Variants in RANBP17 observed in about 807,000 individuals in gnomAD.
RANBP17 encodes the protein RAN binding protein 17, also known as ran-binding protein 17.
Under a neutral mutation model 141.2 loss-of-function variants are expected in RANBP17, and 158 were observed. The observed-to-expected ratio is 1.12, with a 90% CI of 0.98 to 1.28. The LOEUF (loss-of-function observed/expected upper bound fraction) is 1.28, where lower values mean the gene tolerates loss of function less well. RANBP17 is among the 50% of genes most tolerant of loss of function. RANBP17 has a pLI of 0.00. For synonymous variants in RANBP17, 430 were observed against 450.0 expected, an observed-to-expected ratio of 0.96 and a Z score of 0.56; for missense variants, 1,438 against 1,290.7, an observed-to-expected ratio of 1.11 and a Z score of -1.75.
At chr5:171,011,879 A>G (rs1375608535) in intron 14 of RANBP17, among the ~76,000 whole-genome samples, 1 of 151,944 alleles carries the variant, frequency 6.6e-6, no homozygotes, top group Non-Finnish European at 1.5e-5. Context: ...ATTGGATTTA[A>G]TGTCTCTTTA....
intron 5 of RANBP17, among the ~76,000 whole-genome samples, chr5:170,908,517 G>C (rs931048448): frequency 7.9e-5 from 12 of 150,958 alleles, no homozygotes; most frequent in Non-Finnish European, 1.8e-4. Flanking sequence ...TACTAGATAG[G>C]GGAGAGATAG....
chr5:171,190,476 T>C (rs1761552535), intron 18 of RANBP17, among the ~76,000 whole-genome samples: 1 of 152,180 alleles, frequency 6.6e-6, no homozygotes, highest in South Asian at 2.1e-4. Context: ...TTGGCAGGTT[T>C]TTTTGGTGTT....
chr5:171,081,066 G>C (rs1229131060), intron 14 of RANBP17, among the ~76,000 whole-genome samples: 1 of 152,130 alleles, frequency 6.6e-6, no homozygotes, highest in Non-Finnish European at 1.5e-5. Flanking sequence ...GAGCCCAGAG[G>C]CTCTAAGTTC....
intron 22 of RANBP17, among the ~76,000 whole-genome samples, chr5:171,224,622 G>A (rs1039949444): frequency 5.3e-5 from 8 of 152,168 alleles, no homozygotes; most frequent in South Asian, 2.1e-4. Flanking sequence ...GGATTATGTC[G>A]GAGGAGGAGG....
intron 14 of RANBP17, among the ~76,000 whole-genome samples, chr5:171,054,327 A>G (rs1783198997): frequency 6.6e-6 from 1 of 152,094 alleles, no homozygotes. Context: ...TTACACTTAT[A>G]GTTATTTCTT....
At chr5:171,054,550 C>T (rs746909490) in intron 14 of RANBP17, among the ~76,000 whole-genome samples, 3 of 152,120 alleles carry the variant, frequency 2.0e-5, no homozygotes, top group Non-Finnish European at 2.9e-5. Flanking sequence ...TGAGGATAAG[C>T]AGGGGTCACT....
At position 171,006,743 on chromosome 5, in the gene RANBP17, T is replaced by TAAA. The variant is rs59337087; in HGVS notation, c.1710+38379_1710+38381dup. On this transcript the variant is annotated intron_variant, in intron 14 of 27. Transcript: ENST00000523189. Reference sequence around the variant, plus strand: ...ACATGTACTCTAAAACTTAAAGTATTAAAAAAAAAAAAAAAGAATAGGTCG... The same window carrying TAAA: ...ACATGTACTCTAAAACTTAAAGTATTAAAAAAAAAAAAAAAAAAGAATAGGTCG... 2.2e-4 allele frequency among the ~76,000 whole-genome samples: 31 copies of TAAA among 142,966 alleles called. 1 individual carries two copies. The highest frequency in any genetic ancestry group is 7.2e-3 in the Middle Eastern group (2 of 276). 93.8% of individuals were successfully genotyped at this position (142,966 alleles called of 152,430 possible). A position where few individuals can be genotyped will look rare whatever the true frequency, so the allele number is the denominator to read the frequency against.
chr5:171,178,721 C>G (rs1273246089), intron 16 of RANBP17, among the ~76,000 whole-genome samples: 1 of 152,076 alleles, frequency 6.6e-6, no homozygotes, highest in Non-Finnish European at 1.5e-5. Flanking sequence ...TTCTAACTGG[C>G]ATGAGATGGT....
chr5:171,248,744 G>A (rs1033660727), intron 24 of RANBP17, among the ~76,000 whole-genome samples: 2 of 152,104 alleles, frequency 1.3e-5, no homozygotes, highest in Admixed American at 6.6e-5. Flanking sequence ...CACAGCCCTT[G>A]TATCTCCACA....
At chr5:171,243,398 A>T (rs1442298960) in intron 24 of RANBP17, among the ~76,000 whole-genome samples, 2 of 152,182 alleles carry the variant, frequency 1.3e-5, no homozygotes, top group Non-Finnish European at 2.9e-5. Flanking sequence ...CATTGTATGT[A>T]TTATTAGTTT....
chr5:170,968,423 A>G (rs899061539), intron 14 of RANBP17, 46 bp downstream of exon 14: 12 of 1,521,734 alleles, frequency 7.9e-6, no homozygotes, highest in Non-Finnish European at 1.1e-5. Context: ...GGGGATGAAG[A>G]AAGATGTACA....
chr5:170,952,924 C>G (rs1227582538), intron 12 of RANBP17, among the ~76,000 whole-genome samples: 1 of 151,940 alleles, frequency 6.6e-6, no homozygotes, highest in Non-Finnish European at 1.5e-5. Context: ...TTCAGCTGCC[C>G]CCAAAGTAAG....
In RANBP17 at chr5:171,135,202, C is replaced by G. The variant is rs543504830; in HGVS notation, c.1711-34928C>G. Reference sequence around the variant, plus strand: ...GGCTGAGGTAGGAGAATCAGTTGAACCCAGGAGGTGCAGGTTGCAGTGAGC... The same window carrying G: ...GGCTGAGGTAGGAGAATCAGTTGAAGCCAGGAGGTGCAGGTTGCAGTGAGC... On this transcript the variant is annotated intron_variant, in intron 14 of 27. Coordinates refer to ENST00000523189, the MANE Select transcript of RANBP17 (RefSeq NM_022897.5). 1.2e-3 allele frequency among the ~76,000 whole-genome samples: 182 copies of G among 151,238 alleles called. 2 individuals carry two copies. The highest frequency in any genetic ancestry group is 4.2e-3 in the African/African-American group (175 of 41,200).
At chr5:171,119,849 G>A (rs769551533) in intron 14 of RANBP17, among the ~76,000 whole-genome samples, 1 of 151,968 alleles carries the variant, frequency 6.6e-6, no homozygotes, top group Non-Finnish European at 1.5e-5. Context: ...AGACCAGCCT[G>A]ACCAACATGG....
chr5:171,067,263 C>G (rs780482269), intron 14 of RANBP17, among the ~76,000 whole-genome samples: 3 of 152,122 alleles, frequency 2.0e-5, no homozygotes, highest in Non-Finnish European at 4.4e-5. Context: ...GAATAGCATA[C>G]ATTAACTCTC....
intron 14 of RANBP17, among the ~76,000 whole-genome samples, chr5:171,000,561 G>A (rs1042398436): frequency 6.6e-6 from 1 of 152,176 alleles, no homozygotes; most frequent in African/African-American, 2.4e-5. Flanking sequence ...GAAATCTACT[G>A]TGTCACACGC....
At chr5:171,105,376 C>T (rs1231385782) in intron 14 of RANBP17, among the ~76,000 whole-genome samples, 112 of 77,660 alleles carry the variant, frequency 1.4e-3, no homozygotes, top group South Asian at 5.4e-3. Flanking sequence ...AGCGAGACTC[C>T]GTCTCAAAAA....
At chr5:171,154,333 G>GT (rs1268958965) in intron 14 of RANBP17, among the ~76,000 whole-genome samples, 2 of 152,028 alleles carry the variant, frequency 1.3e-5, no homozygotes, top group Admixed American at 1.3e-4. Context: ...CTGGAGTGCG[G>GT]TGGCACGATC....
intron 14 of RANBP17, among the ~76,000 whole-genome samples, chr5:171,127,677 G>T (rs932147295): frequency 1.3e-5 from 2 of 152,140 alleles, no homozygotes; most frequent in Non-Finnish European, 2.9e-5. Flanking sequence ...ATCGCAGTTA[G>T]AATGGTTATT....
Sources: allele counts gnomAD v4.1 joint callset (sites outside exome capture counted in the v4.1 genomes callset), GRCh38; gene constraint gnomAD v4.1.1; transcripts MANE v1.5; gene names NCBI Gene and HGNC (gene_info 2026-07-23, HGNC 2026-07-21).